Variants in PTPRO observed in about 807,000 individuals in gnomAD.
The protein encoded by PTPRO is receptor-type tyrosine-protein phosphatase O.
PTPRO carries 62 observed loss-of-function variants against 145.2 expected under a neutral mutation model. The ratio of observed to expected loss-of-function variants is 0.43; its 90% CI spans 0.35 to 0.53. PTPRO has a LOEUF of 0.53. Ranked by LOEUF, PTPRO falls within the 20% of genes least tolerant of loss-of-function variation. PTPRO has a pLI of 0.01. For synonymous variants in PTPRO, 565 were observed against 514.7 expected, an observed-to-expected ratio of 1.10 and a Z score of -1.32; for missense variants, 1,345 against 1,482.7, an observed-to-expected ratio of 0.91 and a Z score of 1.53.
intron 21 of PTPRO, 117 bp from the exon 22 acceptor site, chr12:15,580,580 G>T: frequency 8.2e-7 from 1 of 1,223,250 alleles, no homozygotes; most frequent in Non-Finnish European, 1.2e-6. Context: ...ACATAGGTGT[G>T]TGATCCTTTG....
chr12:15,538,868 T>C (rs1943120844), intron 12 of PTPRO, among the ~76,000 whole-genome samples: 1 of 152,192 alleles, frequency 6.6e-6, no homozygotes, highest in Non-Finnish European at 1.5e-5. Context: ...TGTGTTACCA[T>C]AGCAAAGTAA....
At chr12:15,563,908 A>C (rs1179224315) in intron 17 of PTPRO, among the ~76,000 whole-genome samples, 1 of 152,184 alleles carries the variant, frequency 6.6e-6, no homozygotes, top group Non-Finnish European at 1.5e-5. Flanking sequence ...TGCTTTCCGA[A>C]AGCACTGAAG....
At position 15,524,948 on chromosome 12, in the gene PTPRO, A is replaced by T; in HGVS notation, c.2026A>T (p.Lys676Ter). ...CTGGATGGTGGTTGCAGAAGGAAAA[A>T]AGAAAATTAAAAAGAGTGTATGTTT... ...LHWMVVAEGK[K>*]KIKKSVTRNV... Residue 676 changes from lysine to a stop codon, truncating the protein, a stop_gained, in exon 11 of 27, where the codon AAG becomes TAG. Transcript: ENST00000281171. LOFTEE classifies it high-confidence loss of function. 2 of 1,614,058 alleles carry T rather than the reference A, an allele frequency of 1.2e-6. No homozygotes were observed. Among genetic ancestry groups the T allele is most frequent in the Non-Finnish European group, 1.7e-6 (2 of 1,179,956 alleles).
chr12:15,554,243 G>A (rs576089361), intron 15 of PTPRO, among the ~76,000 whole-genome samples: 243 of 152,244 alleles, frequency 1.6e-3, no homozygotes, highest in African/African-American at 5.5e-3. Flanking sequence ...GCACTTGAAA[G>A]GATGGAGCTG....
Position 15,546,650 on chromosome 12 carries a change from C to T in PTPRO, c.2246C>T (p.Ala749Val), listed in dbSNP as rs769612904. ...VTLLWVEEGV[A>V]DFFEVFCQQV... Reference sequence around the variant, plus strand: ...TTGCTGTGGGTGGAAGAGGGAGTAGCTGATTTCTTTGAAGTTTTCTGTCAA... The same window carrying T: ...TTGCTGTGGGTGGAAGAGGGAGTAGTTGATTTCTTTGAAGTTTTCTGTCAA... Residue 749 changes from alanine to valine, a missense_variant, in exon 13 of 27, where the codon GCT becomes GTT. This residue lies in a region of PTPRO where 1,130 missense variants were observed against 1,214.7 expected (regional missense o/e 0.93). Coordinates refer to ENST00000281171, the MANE Select transcript of PTPRO (RefSeq NM_030667.3). The T allele has an allele frequency of 2.5e-6, 4 of 1,613,954 alleles. No individual in the cohort carries two copies. In the Admixed American group the frequency reaches 5.0e-5, roughly 20 times the overall value.
chr12:15,435,789 T>C (rs1423642529), intron 1 of PTPRO, among the ~76,000 whole-genome samples: 1 of 152,152 alleles, frequency 6.6e-6, no homozygotes, highest in East Asian at 1.9e-4. Context: ...AACACTTATT[T>C]CCCCAAATAC....
chr12:15,542,010 C>CA (rs879895772), intron 12 of PTPRO, among the ~76,000 whole-genome samples: 2,614 of 140,944 alleles, frequency 0.019, 39 homozygotes, highest in Middle Eastern at 0.032. Context: ...GACTCCACCT[C>CA]AAAAAAAAAA....
chr12:15,439,675 T>G (rs768356212), intron 1 of PTPRO: 1 of 438,656 alleles, frequency 2.3e-6, no homozygotes, highest in Non-Finnish European at 4.5e-6. Context: ...GCCACGGAGC[T>G]CACTGAGGCA....
At chr12:15,507,183 C>T (rs557877365) in intron 6 of PTPRO, among the ~76,000 whole-genome samples, 4 of 152,068 alleles carry the variant, frequency 2.6e-5, no homozygotes, top group African/African-American at 7.2e-5. Context: ...GAGGCCAAGG[C>T]GGGCGGATCA....
At chr12:15,371,119 C>T (rs750063108) in intron 1 of PTPRO, among the ~76,000 whole-genome samples, 18 of 152,094 alleles carry the variant, frequency 1.2e-4, no homozygotes, top group Non-Finnish European at 2.5e-4. Flanking sequence ...AAGTTTTCCA[C>T]AATAAGCAAG....
chr12:15,548,444 ATAT>A (rs1943357712), intron 13 of PTPRO, among the ~76,000 whole-genome samples: 1 of 152,206 alleles, frequency 6.6e-6, no homozygotes, highest in Admixed American at 6.5e-5. Flanking sequence ...AGCAAAGAAT[ATAT>A]GAGTATATGT....
At chr12:15,511,860 G>A (rs574453485) in intron 7 of PTPRO, among the ~76,000 whole-genome samples, 35 of 151,640 alleles carry the variant, frequency 2.3e-4, no homozygotes, top group Admixed American at 7.9e-4. Context: ...CACCGTGCCC[G>A]GCTATAATGG....
rs769497379 is a variant in PTPRO at position 15,551,632 on chromosome 12, C to T, written c.2519C>T (p.Thr840Ile). ...CTTTTAATTGGACTGTTGCTTGTTACCCTCATTATTCTTAGGAAAAAGCAT... is the reference window on the plus strand; with the variant it reads ...CTTTTAATTGGACTGTTGCTTGTTATCCTCATTATTCTTAGGAAAAAGCAT... ...STLLIGLLLV[T>I]LIILRKKHLQ... Residue 840 changes from threonine to isoleucine, a missense_variant, in exon 15 of 27, where the codon ACC becomes ATC. Thr to Ile is a moderately conservative substitution (Grantham distance 89). Coordinates refer to ENST00000281171, the MANE Select transcript of PTPRO (RefSeq NM_030667.3). The T allele has an allele frequency of 3.0e-5, 48 of 1,613,454 alleles. No individual in the cohort carries two copies. The highest frequency in any genetic ancestry group is 1.7e-4 in the Admixed American group (10 of 59,986).
chr12:15,399,361 C>T (rs956255319), intron 1 of PTPRO, among the ~76,000 whole-genome samples: 8 of 152,158 alleles, frequency 5.3e-5, no homozygotes. Flanking sequence ...GAAAGTGAGG[C>T]ACAGAAAAGC....
chr12:15,543,871 G>A (rs1943225275), intron 12 of PTPRO, among the ~76,000 whole-genome samples: 1 of 152,160 alleles, frequency 6.6e-6, no homozygotes, highest in Admixed American at 6.5e-5. Context: ...GCAAACATGG[G>A]CTGACATAGA....
At chr12:15,543,245 C>G (rs961277787) in intron 12 of PTPRO, among the ~76,000 whole-genome samples, 3 of 152,152 alleles carry the variant, frequency 2.0e-5, no homozygotes, top group Non-Finnish European at 1.5e-5. Context: ...TTGAAATAAT[C>G]TATTGCCCTC....
Position 15,470,623 on chromosome 12 carries a change from G to C in PTPRO, c.76-13351G>C, listed in dbSNP as rs115631350. ...AGCCTGAGTTCATTTTAGAAGTCAG[G>C]AAATAATTGCTGCATTATTATATAT... On this transcript the variant is annotated intron_variant, in intron 1 of 26. Coordinates refer to ENST00000281171, the MANE Select transcript of PTPRO (RefSeq NM_030667.3). Among the ~76,000 whole-genome samples the C allele has an allele frequency of 7.9e-3, 1,200 of 152,226 alleles. 17 individuals are homozygous for C. The highest frequency in any genetic ancestry group is 0.028 in the African/African-American group (1,156 of 41,522).
chr12:15,510,944 AT>A (rs1481636835), intron 7 of PTPRO, among the ~76,000 whole-genome samples: 1 of 140,818 alleles, frequency 7.1e-6, no homozygotes, highest in East Asian at 2.0e-4. Flanking sequence ...AGGTGGGCAG[AT>A]CACTTGAGCT....
At chr12:15,535,212 C>T (rs148258962) in intron 12 of PTPRO, among the ~76,000 whole-genome samples, 1 of 152,094 alleles carries the variant, frequency 6.6e-6, no homozygotes, top group African/African-American at 2.4e-5. Flanking sequence ...TTGGATATCC[C>T]GGTGCAGATG....
Sources: allele counts gnomAD v4.1 joint callset (sites outside exome capture counted in the v4.1 genomes callset), GRCh38; gene constraint gnomAD v4.1.1; regional missense constraint gnomAD v4.1.1; transcripts MANE v1.5; gene names NCBI Gene and HGNC (gene_info 2026-07-23, HGNC 2026-07-21).